AP1M1: variants seen among roughly 807,000 people sequenced by gnomAD.
The protein encoded by AP1M1 is adaptor related protein complex 1 subunit mu 1, also known as AP-1 complex subunit mu-1.
In AP1M1, 18 loss-of-function variants were observed where a neutral mutation model predicts 57.1. The observed-to-expected ratio is 0.32, with a 90% CI of 0.22 to 0.47. The LOEUF is 0.47. AP1M1 is among the 20% of genes least tolerant of loss of function. AP1M1 has a pLI of 1.00. For missense variants in AP1M1, 362 were observed against 593.5 expected, an observed-to-expected ratio of 0.61 and a Z score of 4.05; for synonymous variants, 241 against 237.9, an observed-to-expected ratio of 1.01 and a Z score of -0.12.
chr19:16,208,386 C>T lies in AP1M1; in HGVS notation c.398+237C>T, dbSNP rs147971416. ...TCCTCATCTTTACTCTCCATCCACA[C>T]AGATGCCTTCAGTACCTTGCTACTA... On this transcript the variant is annotated intron_variant, in intron 4 of 11. Coordinates refer to ENST00000291439, the MANE Select transcript of AP1M1 (RefSeq NM_032493.4). The T allele has an allele frequency of 2.6e-4, 102 of 398,006 alleles. 1 individual carries two copies. In the East Asian group the frequency reaches 3.8e-3, roughly 15 times the overall value. 24.7% of individuals were successfully genotyped at this position (398,006 alleles called of 1,614,324 possible).
At chr19:16,198,233 C>G in intron 1 of AP1M1, 165 bp downstream of exon 1, 1 of 603,856 alleles carries the variant, frequency 1.7e-6, no homozygotes, top group Non-Finnish European at 2.6e-6. Flanking sequence ...TCTGGGTAAC[C>G]GGGCGGGGGT....
intron 5 of AP1M1, among the ~76,000 whole-genome samples, chr19:16,224,779 C>T (rs909598679): frequency 6.6e-6 from 1 of 152,168 alleles, no homozygotes; most frequent in African/African-American, 2.4e-5. Flanking sequence ...GGGGCCGTCA[C>T]AGTGGAGTGG....
chr19:16,218,533 C>T (rs924021308), intron 5 of AP1M1, among the ~76,000 whole-genome samples: 1 of 152,210 alleles, frequency 6.6e-6, no homozygotes, highest in Non-Finnish European at 1.5e-5. Flanking sequence ...CAGCCTCCTC[C>T]TCTGCCTTCC....
chr19:16,238,245 G>A lies in AP1M1; in HGVS notation c.*3810G>A, dbSNP rs925901193. ...AGAATTCTCTTGCAGAACTCTAGTT[G>A]AGAAAAGCCCTGAGAAGTCCATGCA... On this transcript the variant is annotated 3_prime_UTR_variant, in exon 12 of 12. Coordinates refer to ENST00000291439, the MANE Select transcript of AP1M1 (RefSeq NM_032493.4). 5 of 152,232 alleles carry A rather than the reference G, an allele frequency of 3.3e-5. No individual in the cohort carries two copies. The highest frequency in any genetic ancestry group is 1.2e-4 in the African/African-American group (5 of 41,452). 9.4% of individuals were successfully genotyped at this position (152,232 alleles called of 1,614,324 possible).
rs1568348592 is a variant in AP1M1, at chr19:16,207,893, A to G, written c.268-126A>G. ...TCCAGGGCCCTGTAGCACACCACCG[A>G]GCCTGGGAAGTAGGCTGTTGGTAGG... is the stretch of plus-strand genomic sequence containing the variant. On this transcript the variant is annotated intron_variant, in intron 3 of 11. Coordinates refer to ENST00000291439, the MANE Select transcript of AP1M1 (RefSeq NM_032493.4). This position sits in a 1 kb window ranked among gnomAD's most constrained non-coding sequence, Gnocchi z 4.2. 3.1e-6 allele frequency: 4 copies of G among 1,288,462 alleles called. No homozygotes were observed. In the East Asian group the frequency reaches 9.8e-5, roughly 32 times the overall value. The allele number at this position is 1,288,462 out of a possible 1,614,324, so 79.8% of individuals were successfully genotyped here.
At position 16,233,637 on chromosome 19, in the gene AP1M1, G is replaced by T. The variant is rs1255343487; in HGVS notation, c.1173+19G>T. Reference sequence around the variant, plus strand: ...CATCCAGGTACGTAAGGCCCAGGCGGCCGGGGCCCAGAACAGGGACAGAGG... The same window carrying T: ...CATCCAGGTACGTAAGGCCCAGGCGTCCGGGGCCCAGAACAGGGACAGAGG... On this transcript the variant is annotated intron_variant, in intron 10 of 11. Coordinates refer to ENST00000291439, the MANE Select transcript of AP1M1 (RefSeq NM_032493.4). 3 of 1,604,660 alleles carry T rather than the reference G, an allele frequency of 1.9e-6. No individual in the cohort carries two copies. Among genetic ancestry groups the T allele is most frequent in the Non-Finnish European group, 2.6e-6 (3 of 1,175,340 alleles).
chr19:16,224,532 T>C (rs1437011057), intron 5 of AP1M1, among the ~76,000 whole-genome samples: 1 of 152,180 alleles, frequency 6.6e-6, no homozygotes, highest in Non-Finnish European at 1.5e-5. Flanking sequence ...TGAGCAAGCA[T>C]CCCTTCAGCA....
chr19:16,234,473 T>C lies in AP1M1; in HGVS notation c.*38T>C. On this transcript the variant is annotated 3_prime_UTR_variant, in exon 12 of 12. Transcript: ENST00000291439. The stretch of plus-strand genomic sequence containing the variant: ...GCCAACACCCCGGCCTCGGGGCTCC[T>C]GGTGGCAGCACCAGGGGACACACCT... The C allele has an allele frequency of 6.2e-7, 1 of 1,612,482 alleles. No homozygotes were observed. Among genetic ancestry groups the C allele is most frequent in the South Asian group, 1.1e-5 (1 of 91,008 alleles).
intron 9 of AP1M1, 143 bp downstream of exon 9, chr19:16,229,071 CGG>C: frequency 8.3e-6 from 8 of 969,114 alleles, no homozygotes; most frequent in Admixed American, 2.4e-5. Flanking sequence ...AAAGGGTGGA[CGG>C]AGAGCTGAGG....
rs953972027 is a variant in AP1M1 at position 16,226,627 on chromosome 19, C to T, written c.673+80C>T. 15 of 1,472,780 alleles carry T rather than the reference C, an allele frequency of 1.0e-5. No individual in the cohort carries two copies. In the African/African-American group the frequency reaches 1.9e-4, roughly 19 times the overall value. The allele number at this position is 1,472,780 out of a possible 1,614,324, so 91.2% of individuals were successfully genotyped here. On this transcript the variant is annotated intron_variant, in intron 6 of 11. Transcript: ENST00000291439. ...CATTACAGCCTAGGGCAGGGTTGGG[C>T]CAGGCGGAGGAACGAGCTGGTTTCA...
Position 16,208,320 on chromosome 19 carries a change from G to A in AP1M1, c.398+171G>A, listed in dbSNP as rs113839971. 88 of 644,002 alleles carry A rather than the reference G, an allele frequency of 1.4e-4. 1 individual carries two copies. The African/African-American group carries it at 1.4e-3, about 10-fold the overall frequency. 39.9% of individuals were successfully genotyped at this position (644,002 alleles called of 1,614,324 possible). A position where few individuals can be genotyped will look rare whatever the true frequency, so the allele number is the denominator to read the frequency against. On this transcript the variant is annotated intron_variant, in intron 4 of 11. Transcript: ENST00000291439. ...AAGTTGCTCTTAGTGGTTTTAATTC[G>A]TTTCCTCCTCTACGCCCCCACATAA...
Position 16,227,430 on chromosome 19 carries a change from C to A in AP1M1, c.674-118C>A. The A allele has an allele frequency of 8.4e-7, 1 of 1,195,898 alleles. No individual in the cohort carries two copies. The highest frequency in any genetic ancestry group is 1.2e-6 in the Non-Finnish European group (1 of 832,906). The allele number at this position is 1,195,898 out of a possible 1,614,324, so 74.1% of individuals were successfully genotyped here. ...CCCTTGGTGTTTGTGGCCCAGGCTGCTCTCAGTGCGTGGACTGGGGGCCCT... is the reference window on the plus strand; with the variant it reads ...CCCTTGGTGTTTGTGGCCCAGGCTGATCTCAGTGCGTGGACTGGGGGCCCT... On this transcript the variant is annotated intron_variant, in intron 6 of 11. Coordinates refer to ENST00000291439, the MANE Select transcript of AP1M1 (RefSeq NM_032493.4). The surrounding 1 kb of genome is among the most constrained non-coding windows in gnomAD (Gnocchi z 6.2).
Position 16,239,283 on chromosome 19 carries a change from A to T in AP1M1, c.*4848A>T. The T allele has an allele frequency of 1.1e-5, 1 of 94,302 alleles. No homozygotes were observed. Among genetic ancestry groups the T allele is most frequent in the African/African-American group, 5.4e-5 (1 of 18,534 alleles). 5.8% of individuals were successfully genotyped at this position (94,302 alleles called of 1,614,324 possible). On this transcript the variant is annotated 3_prime_UTR_variant, in exon 12 of 12. Coordinates refer to ENST00000291439, the MANE Select transcript of AP1M1 (RefSeq NM_032493.4). ...TTTTTTTTTTTTTTTTTTTTTTAAG[A>T]CTGCAAAGCTGGGCATGGTAGTATG...
chr19:16,223,575 G>C (rs2091555576), intron 5 of AP1M1, among the ~76,000 whole-genome samples: 1 of 152,236 alleles, frequency 6.6e-6, no homozygotes. Context: ...GGGGCATGAG[G>C]AACAGGGGAG....
At chr19:16,223,158 A>G (rs1186776319) in intron 5 of AP1M1, among the ~76,000 whole-genome samples, 1 of 152,202 alleles carries the variant, frequency 6.6e-6, no homozygotes, top group Non-Finnish European at 1.5e-5. Flanking sequence ...TCAGGCCACA[A>G]GTTCCAATCC....
intron 10 of AP1M1, 23 bp downstream of exon 10, chr19:16,233,641 G>A (rs770134277): frequency 1.2e-6 from 2 of 1,604,158 alleles, no homozygotes; most frequent in Non-Finnish European, 1.7e-6. Flanking sequence ...CAGGCGGCCG[G>A]GGCCCAGAAC....
chr19:16,229,320 A>G (rs924897925), intron 9 of AP1M1, among the ~76,000 whole-genome samples: 1 of 152,212 alleles, frequency 6.6e-6, no homozygotes, highest in African/African-American at 2.4e-5. Context: ...CCTGCCATCA[A>G]GGGGAACGGC....
Position 16,233,561 on chromosome 19 carries a change from C to A in AP1M1, c.1116C>A (p.Gly372=). The A allele has an allele frequency of 6.2e-7, 1 of 1,609,188 alleles. No homozygotes were observed. Among genetic ancestry groups the A allele is most frequent in the Non-Finnish European group, 8.5e-7 (1 of 1,178,112 alleles). The change falls in exon 10 of 12, where the codon GGC becomes GGA. Residue 372 remains glycine, a synonymous_variant. Coordinates refer to ENST00000291439, the MANE Select transcript of AP1M1 (RefSeq NM_032493.4). The part of the protein sequence containing the change: ...LPSVEAEDKE[G]KPPISVKFEI... ...GTGTGGAGGCCGAAGACAAGGAGGGCAAGCCCCCGATCAGTGTCAAGTTCG... is the reference window on the plus strand; with the variant it reads ...GTGTGGAGGCCGAAGACAAGGAGGGAAAGCCCCCGATCAGTGTCAAGTTCG...
Position 16,206,386 on chromosome 19 carries a change from C to G in AP1M1, c.245C>G (p.Ser82Cys), listed in dbSNP as rs1402990807. Residue 82 changes from serine to cysteine, a missense_variant, in exon 3 of 12, where the codon TCT (serine) becomes TGT (cysteine). By Grantham distance (112) the Ser-to-Cys change is moderately radical. Around this residue, in one of 2 missense-constraint regions of AP1M1, gnomAD observed 337 missense variants for 511.1 expected, o/e 0.66. Transcript: ENST00000291439. This position sits in a 1 kb window ranked among gnomAD's most constrained non-coding sequence, Gnocchi z 4.3. ...AACGCGTGCGTGTCGCTGGTCTTTT[C>G]TTTCCTCTATAAGGTGGTGCAGGTG... ...KKNACVSLVF[S>C]FLYKVVQVFS... 6.2e-7 allele frequency: 1 copy of G among 1,614,090 alleles called. No homozygotes were observed. Among genetic ancestry groups the G allele is most frequent in the South Asian group, 1.1e-5 (1 of 91,078 alleles).
Sources: gnomAD v4.1 joint callset for allele counts (sites outside exome capture counted in the v4.1 genomes callset) on GRCh38, gnomAD v4.1.1 for gene constraint, gnomAD v4.1.1 regional missense constraint, Gnocchi (gnomAD v3.1) non-coding constraint, MANE v1.5 for transcripts, NCBI Gene and HGNC (gene_info 2026-07-23, HGNC 2026-07-21) for gene names.